The following APBA1 variants were observed in gnomAD, a reference collection of about 807,000 sequenced individuals.
The protein encoded by APBA1 is amyloid-beta A4 precursor protein-binding family A member 1.
In APBA1, 55 loss-of-function variants were observed where a neutral mutation model predicts 86.6. The observed-to-expected ratio is 0.64, with a 90% CI of 0.51 to 0.80. APBA1 has a LOEUF of 0.80. Ranked by LOEUF, APBA1 falls within the 30% of genes least tolerant of loss-of-function variation. The probability of loss-of-function intolerance (pLI) is 0.00; values close to 1 mark genes in which losing one functional copy is unlikely to be tolerated. For synonymous variants in APBA1, 511 were observed against 493.9 expected (o/e 1.03, Z -0.46); for missense variants, 1,090 against 1,183.0 (o/e 0.92, Z 1.15).
intron 1 of APBA1, among the ~76,000 whole-genome samples, chr9:69,596,489 A>G (rs1038770692): frequency 4.6e-5 from 7 of 152,310 alleles, no homozygotes; most frequent in Admixed American, 4.6e-4. Flanking sequence ...TTATATAAAA[A>G]TCCAGATTAT....
At chr9:69,627,375 T>C (rs1310080064) in intron 1 of APBA1, among the ~76,000 whole-genome samples, 1 of 152,080 alleles carries the variant, frequency 6.6e-6, no homozygotes, top group Admixed American at 6.6e-5. Flanking sequence ...ATTAACTAGA[T>C]CTCTAGAGAA....
chr9:69,590,589 T>A (rs1437547711), intron 1 of APBA1, among the ~76,000 whole-genome samples: 1 of 152,146 alleles, frequency 6.6e-6, no homozygotes, highest in Non-Finnish European at 1.5e-5. Context: ...TCACCATTAA[T>A]CACAATTCTC....
chr9:69,516,058 T>C lies in APBA1; in HGVS notation c.1153A>G (p.Ile385Val). ...TCGTCACAGTCCCTGGTGGGGCTAA[T>C]GTCCTGGCGCATGACCCAGATGGGC... ...KEPIWVMRQD[I>V]SPTRDCDDQR... Residue 385 changes from isoleucine (I) to valine (V), a missense_variant, in exon 2 of 13, where the codon ATT becomes GTT. By Grantham distance (29) the Ile-to-Val change is conservative. This residue lies in a region of APBA1 where 678 missense variants were observed against 647.1 expected (regional missense o/e 1.05). Transcript: ENST00000265381. This position sits in a 1 kb window ranked among gnomAD's most constrained non-coding sequence, Gnocchi z 7.3. The C allele has an allele frequency of 6.2e-7, 1 of 1,611,512 alleles. No individual in the cohort carries two copies. The highest frequency in any genetic ancestry group is 8.5e-7 in the Non-Finnish European group (1 of 1,178,468).
At chr9:69,560,083 CCAGGTTTAGT>C (rs1836924982) in intron 1 of APBA1, among the ~76,000 whole-genome samples, 1 of 152,102 alleles carries the variant, frequency 6.6e-6, no homozygotes, top group African/African-American at 2.4e-5. Flanking sequence ...CCCTGCTTGC[CCAGGTTTAGT>C]CACATCAACT....
intron 1 of APBA1, among the ~76,000 whole-genome samples, chr9:69,659,596 GT>G (rs1266281378): frequency 1.3e-5 from 2 of 152,158 alleles, no homozygotes; most frequent in Non-Finnish European, 2.9e-5. Flanking sequence ...TAAGTACCAT[GT>G]TGTGTTTCAC....
At chr9:69,622,843 A>G (rs773003725) in intron 1 of APBA1, among the ~76,000 whole-genome samples, 3 of 152,272 alleles carry the variant, frequency 2.0e-5, no homozygotes, top group Non-Finnish European at 2.9e-5. Flanking sequence ...TAATTTCCCA[A>G]CTTCTCATGA....
chr9:69,467,702 G>C, intron 5 of APBA1, 121 bp downstream of exon 5: 1 of 1,358,906 alleles, frequency 7.4e-7, no homozygotes, highest in African/African-American at 1.4e-5. Flanking sequence ...AGCACTGCCT[G>C]TGTGATGTCA....
chr9:69,633,091 T>C (rs1461353654), intron 1 of APBA1, among the ~76,000 whole-genome samples: 1 of 151,920 alleles, frequency 6.6e-6, no homozygotes, highest in African/African-American at 2.4e-5. Flanking sequence ...CCTCCTTTTT[T>C]TTTTTTCCAC....
At chr9:69,466,006 C>A (rs905881577) in intron 5 of APBA1, among the ~76,000 whole-genome samples, 5 of 152,126 alleles carry the variant, frequency 3.3e-5, no homozygotes, top group Non-Finnish European at 5.9e-5. Flanking sequence ...AACAGTCACT[C>A]TTGAGGCAGT....
chr9:69,608,509 G>T (rs879924143), intron 1 of APBA1, among the ~76,000 whole-genome samples: 1 of 152,200 alleles, frequency 6.6e-6, no homozygotes, highest in African/African-American at 2.4e-5. Flanking sequence ...AATGATGGTA[G>T]ACTGAGGAGG....
rs185636661 is a variant in APBA1 at position 69,669,402 on chromosome 9, C to G, written c.-70+2751G>C. ...AACAACAACAAAAAACCTTAAGAGG[C>G]TCAATAATGGAAGAGAAAAGCACTG... is the stretch of plus-strand genomic sequence containing the variant. On this transcript the variant is annotated intron_variant, in intron 1 of 12. Coordinates refer to ENST00000265381, the MANE Select transcript of APBA1 (RefSeq NM_001163.4). 2.1e-4 allele frequency among the ~76,000 whole-genome samples: 32 copies of G among 152,168 alleles called. 1 individual carries two copies. The East Asian group carries it at 6.0e-3, about 28-fold the overall frequency.
At chr9:69,489,848 G>A (rs1390873871) in intron 2 of APBA1, among the ~76,000 whole-genome samples, 1 of 152,140 alleles carries the variant, frequency 6.6e-6, no homozygotes, top group African/African-American at 2.4e-5. Flanking sequence ...AGGATGTGGA[G>A]AAATAGGAAC....
intron 2 of APBA1, among the ~76,000 whole-genome samples, chr9:69,502,391 G>A (rs1472637640): frequency 6.6e-6 from 1 of 151,978 alleles, no homozygotes; most frequent in East Asian, 1.9e-4. Context: ...TGAGATCAAA[G>A]CAAACATTCT....
intron 2 of APBA1, among the ~76,000 whole-genome samples, chr9:69,499,251 C>T (rs138983556): frequency 6.6e-6 from 1 of 152,174 alleles, no homozygotes; most frequent in African/African-American, 2.4e-5. Context: ...CAGACTGGGG[C>T]TAACTATCCT....
intron 1 of APBA1, among the ~76,000 whole-genome samples, chr9:69,661,491 G>A (rs1484556450): frequency 6.6e-6 from 1 of 152,186 alleles, no homozygotes; most frequent in East Asian, 1.9e-4. Context: ...CTTGTTCACT[G>A]TTGATGGCTA....
intron 1 of APBA1, among the ~76,000 whole-genome samples, chr9:69,602,183 TA>T (rs1456350191): frequency 6.6e-6 from 1 of 152,214 alleles, no homozygotes; most frequent in Non-Finnish European, 1.5e-5. Flanking sequence ...TTAAACCTTT[TA>T]AAATGTATAA....
At chr9:69,592,856 T>C (rs907687754) in intron 1 of APBA1, among the ~76,000 whole-genome samples, 8 of 152,220 alleles carry the variant, frequency 5.3e-5, no homozygotes, top group African/African-American at 1.9e-4. Context: ...CTTTTCTTCA[T>C]ATCATTAGGA....
rs13292554 is a variant in APBA1, at chr9:69,430,800, C to T, written c.*527G>A. On this transcript the variant is annotated 3_prime_UTR_variant, in exon 13 of 13. Transcript: ENST00000265381. ...GAGGTTTAAGGTTGGCTCAGAGATTCTGGGAAGAAATAATGTATGGTGCCC... is the reference window on the plus strand; with the variant it reads ...GAGGTTTAAGGTTGGCTCAGAGATTTTGGGAAGAAATAATGTATGGTGCCC... 6.5e-6 allele frequency: 1 copy of T among 152,834 alleles called. No homozygotes were observed. Among genetic ancestry groups the T allele is most frequent in the African/African-American group, 2.4e-5 (1 of 41,434 alleles). 9.5% of individuals were successfully genotyped at this position (152,834 alleles called of 1,614,324 possible).
chr9:69,458,296 C>G, intron 5 of APBA1, 108 bp from the exon 6 acceptor site: 1 of 961,604 alleles, frequency 1.0e-6, no homozygotes, highest in Non-Finnish European at 1.5e-6. Flanking sequence ...TGGCATAAAG[C>G]GTTTCTGTGG....
Sources: gnomAD v4.1 joint callset for allele counts (sites outside exome capture counted in the v4.1 genomes callset) on GRCh38, gnomAD v4.1.1 for gene constraint, gnomAD v4.1.1 regional missense constraint, Gnocchi (gnomAD v3.1) non-coding constraint, MANE v1.5 for transcripts, NCBI Gene and HGNC (gene_info 2026-07-23, HGNC 2026-07-21) for gene names.